BNIP3: variants seen among roughly 807,000 people sequenced by gnomAD.
BNIP3 encodes the protein BCL2 interacting protein 3.
In BNIP3, 16 loss-of-function variants were observed where a neutral mutation model predicts 23.9. The observed-to-expected ratio is 0.67, with a 90% CI of 0.45 to 1.01. The LOEUF is 1.01. Among genes scored for constraint, BNIP3 ranks in the 50% least tolerant of loss-of-function variants. The pLI is 0.00. For missense variants in BNIP3, 198 were observed against 248.7 expected, an observed-to-expected ratio of 0.80 and a Z score of 1.37; for synonymous variants, 81 against 89.3, an observed-to-expected ratio of 0.91 and a Z score of 0.53.
At position 131,970,166 on chromosome 10, in the gene BNIP3, G is replaced by A. The variant is rs2037014206; in HGVS notation, c.539+472C>T. On this transcript the variant is annotated intron_variant, in intron 5 of 5. Transcript: ENST00000368636. The surrounding 1 kb of genome is among the most constrained non-coding windows in gnomAD (Gnocchi z 4.1). ...TGCACTCAGCCTGGGCAACAAGAGC[G>A]AAACTCAAGCCAGTAAAGTCGGAGA... The A allele has an allele frequency of 6.2e-6, 1 of 161,544 alleles. No homozygotes were observed. The highest frequency in any genetic ancestry group is 1.3e-5 in the Non-Finnish European group (1 of 74,446). 10.0% of individuals were successfully genotyped at this position (161,544 alleles called of 1,614,324 possible).
intron 1 of BNIP3, among the ~76,000 whole-genome samples, chr10:131,977,407 A>G (rs1243773557): frequency 6.6e-6 from 1 of 152,222 alleles, no homozygotes; most frequent in Non-Finnish European, 1.5e-5. Flanking sequence ...AGGGAGAGGA[A>G]GATGAAGGAG....
Position 131,981,772 on chromosome 10 carries a change from T to A in BNIP3, c.35A>T (p.Glu12Val). 1 of 1,478,098 alleles carries A rather than the reference T, an allele frequency of 6.8e-7. No individual in the cohort carries two copies. 91.6% of individuals were successfully genotyped at this position (1,478,098 alleles called of 1,614,324 possible). Reference protein sequence around the residue: ...SQNGAPGMQEESLQGSWVELH... With the variant: ...SQNGAPGMQEVSLQGSWVELH... Reference sequence around the variant, plus strand: ...CTCCTCCGCCTCACCCTGCAGGCTCTCCTCCTGCATCCCGGGCGCTCCGTT... The same window carrying A: ...CTCCTCCGCCTCACCCTGCAGGCTCACCTCCTGCATCCCGGGCGCTCCGTT... Residue 12 changes from glutamate (E) to valine (V), a missense_variant, in exon 1 of 6, where the codon GAG becomes GTG. Glu to Val is a moderately radical substitution (Grantham distance 121). Transcript: ENST00000368636.
At chr10:131,973,273 C>T in intron 2 of BNIP3, 155 bp from the exon 3 acceptor site, 1 of 695,222 alleles carries the variant, frequency 1.4e-6, no homozygotes, top group South Asian at 1.7e-5. Context: ...CTGCCAGAGC[C>T]AAACTCTTCC....
At position 131,973,048 on chromosome 10, in the gene BNIP3, T is replaced by C. The variant is rs1192626901; in HGVS notation, c.268A>G (p.Lys90Glu). ...TTCCAGCTTACCTGTGAGCTGTTTT[T>C]CTCTCCAATGCTATGGGTATCTGTT... ...SETDTHSIGE[K>E]NSSQSEEDDI... Residue 90 changes from lysine to glutamate, a missense_variant, in exon 3 of 6, where the codon AAA becomes GAA. Transcript: ENST00000368636. The C allele has an allele frequency of 2.5e-6, 4 of 1,613,580 alleles. No homozygotes were observed. The highest frequency in any genetic ancestry group is 2.5e-6 in the Non-Finnish European group (3 of 1,179,574).
chr10:131,973,324 G>A (rs2133692952), intron 2 of BNIP3: 1 of 553,042 alleles, frequency 1.8e-6, no homozygotes, highest in Non-Finnish European at 3.2e-6. Context: ...GAGCTAGCCA[G>A]TCTTCCAGAG....
rs1216670539 is a variant in BNIP3, at chr10:131,968,494, T to C, written c.*30A>G. On this transcript the variant is annotated 3_prime_UTR_variant, in exon 6 of 6. Coordinates refer to ENST00000368636, the MANE Select transcript of BNIP3 (RefSeq NM_004052.4). ...TGTTGCAAGCTCAGAAGTAATCCAC[T>C]AACGAACCAAGTCAGACTCCAGTTC... 2 of 1,550,206 alleles carry C rather than the reference T, an allele frequency of 1.3e-6. No homozygotes were observed. Among genetic ancestry groups the C allele is most frequent in the Non-Finnish European group, 1.8e-6 (2 of 1,122,924 alleles).
chr10:131,973,517 G>A (rs4880405), intron 2 of BNIP3: 139,099 of 508,688 alleles, frequency 0.27, 20,206 homozygotes, highest in East Asian at 0.49. Context: ...CCGCTGAGGC[G>A]CGTGAGTGCG....
Position 131,973,935 on chromosome 10 carries a change from C to T in BNIP3, c.55G>A (p.Val19Ile), listed in dbSNP as rs2037061347. Reference protein sequence around the residue: ...MQEESLQGSWVELHFSNNGNG... With the variant: ...MQEESLQGSWIELHFSNNGNG... ...CCATTATTGCTGAAGTGCAGTTCTA[C>T]CCAGGAGCCTGATGGGGACAAAAAA... Residue 19 changes from valine to isoleucine, a missense_variant, in exon 2 of 6, where the codon GTA becomes ATA. By Grantham distance (29) the Val-to-Ile change is conservative. Transcript: ENST00000368636. 4.3e-6 allele frequency: 7 copies of T among 1,613,792 alleles called. No individual in the cohort carries two copies. The highest frequency in any genetic ancestry group is 5.9e-6 in the Non-Finnish European group (7 of 1,180,044).
intron 3 of BNIP3, 170 bp from the exon 4 acceptor site, chr10:131,971,140 C>T (rs891471158): frequency 3.2e-5 from 20 of 631,734 alleles, no homozygotes; most frequent in Admixed American, 2.8e-4. Flanking sequence ...GGGCCTTCCC[C>T]GGGCCGCGCC....
Position 131,973,019 on chromosome 10 carries a change from C to T in BNIP3, c.282+15G>A. On this transcript the variant is annotated intron_variant, in intron 3 of 5. Coordinates refer to ENST00000368636, the MANE Select transcript of BNIP3 (RefSeq NM_004052.4). ...ACAAATACTTTTACAACTGCACATT[C>T]TCCTTCCAGCTTACCTGTGAGCTGT... The T allele has an allele frequency of 3.1e-6, 5 of 1,605,822 alleles. No individual in the cohort carries two copies. The highest frequency in any genetic ancestry group is 4.3e-6 in the Non-Finnish European group (5 of 1,172,530).
Position 131,981,920 on chromosome 10 carries a change from G to A in BNIP3, c.-114C>T, listed in dbSNP as rs1032549825. The A allele has an allele frequency of 1.1e-4, 132 of 1,238,118 alleles. No individual in the cohort carries two copies. The highest frequency in any genetic ancestry group is 1.3e-4 in the Non-Finnish European group (123 of 959,024). 76.7% of individuals were successfully genotyped at this position (1,238,118 alleles called of 1,614,324 possible). On this transcript the variant is annotated 5_prime_UTR_variant, in exon 1 of 6. Transcript: ENST00000368636. ...GCGCCGCGGCCCAGCTGCGCTCCCG[G>A]ACTGAGCGGAGCCCCGCAGCCCGGC...
At chr10:131,973,435 T>C (rs886360279) in intron 2 of BNIP3, 24 of 463,010 alleles carry the variant, frequency 5.2e-5, no homozygotes, top group Non-Finnish European at 8.7e-5. Context: ...CTTTGACCAC[T>C]GTCGGCCACT....
chr10:131,973,434 C>T, intron 2 of BNIP3: 1 of 462,952 alleles, frequency 2.2e-6, no homozygotes, highest in South Asian at 2.6e-5. Context: ...CCTTTGACCA[C>T]TGTCGGCCAC....
At chr10:131,969,967 C>T (rs1307928762) in intron 5 of BNIP3, 1 of 152,528 alleles carries the variant, frequency 6.6e-6, no homozygotes, top group Admixed American at 6.5e-5. Context: ...GTGAGCCATC[C>T]CTTGAGTTCG....
intron 1 of BNIP3, among the ~76,000 whole-genome samples, chr10:131,979,711 TCAA>T (rs1176841868): frequency 1.3e-5 from 2 of 151,796 alleles, no homozygotes; most frequent in Admixed American, 1.3e-4. Context: ...ATCCTGCGAG[TCAA>T]CAACTTTAGC....
rs1229422688 is a variant in BNIP3 at position 131,981,778 on chromosome 10, T to C, written c.29A>G (p.Gln10Arg). MSQNGAPGMQEESLQGSWVE... is the reference protein window; with the variant it reads MSQNGAPGMREESLQGSWVE... ...CGCCTCACCCTGCAGGCTCTCCTCC[T>C]GCATCCCGGGCGCTCCGTTCTGCGA... Residue 10 changes from glutamine to arginine, a missense_variant, in exon 1 of 6, where the codon CAG becomes CGG. By Grantham distance (43) the Gln-to-Arg change is conservative. Coordinates refer to ENST00000368636, the MANE Select transcript of BNIP3 (RefSeq NM_004052.4). The C allele has an allele frequency of 4.0e-6, 6 of 1,482,608 alleles. No homozygotes were observed. The highest frequency in any genetic ancestry group is 2.3e-5 in the Admixed American group (1 of 43,980). 91.8% of individuals were successfully genotyped at this position (1,482,608 alleles called of 1,614,324 possible).
Position 131,981,648 on chromosome 10 carries a change from G to T in BNIP3, c.46+113C>A, listed in dbSNP as rs556296545. The stretch of plus-strand genomic sequence containing the variant: ...AGGGGAGGATGGCGCAGCCTCGCCC[G>T]GCCCGCGATGCCCCCTAGGCCTCCC... On this transcript the variant is annotated intron_variant, in intron 1 of 5. Transcript: ENST00000368636. 5 of 1,254,038 alleles carry T rather than the reference G, an allele frequency of 4.0e-6. No individual in the cohort carries two copies. In the African/African-American group the frequency reaches 7.8e-5, roughly 20 times the overall value. 77.7% of individuals were successfully genotyped at this position (1,254,038 alleles called of 1,614,324 possible).
chr10:131,973,306 A>G (rs1399773168), intron 2 of BNIP3, 188 bp from the exon 3 acceptor site: 1 of 587,568 alleles, frequency 1.7e-6, no homozygotes. Flanking sequence ...GCTGAGCACG[A>G]CAGGAGTGAG....
intron 5 of BNIP3, chr10:131,968,839 C>T (rs1408710867): frequency 2.4e-5 from 8 of 333,754 alleles, no homozygotes; most frequent in Non-Finnish European, 4.6e-5. Context: ...ACACAGAAAG[C>T]TTCTGCTTTG....
Sources: allele counts gnomAD v4.1 joint callset (sites outside exome capture counted in the v4.1 genomes callset), GRCh38; gene constraint gnomAD v4.1.1; non-coding constraint Gnocchi (gnomAD v3.1); transcripts MANE v1.5; gene names NCBI Gene and HGNC (gene_info 2026-07-23, HGNC 2026-07-21).